The following DLG2 variants were observed in gnomAD, a reference collection of about 807,000 sequenced individuals.
DLG2 encodes discs large MAGUK scaffold protein 2, also known as disks large homolog 2.
DLG2 carries 45 observed loss-of-function variants against 132.5 expected under a neutral mutation model. That is an observed-to-expected ratio of 0.34 (90% CI 0.27 to 0.44). The LOEUF (loss-of-function observed/expected upper bound fraction) is 0.44, where lower values mean the gene tolerates loss of function less well. Among genes scored for constraint, DLG2 ranks in the 20% least tolerant of loss-of-function variants. The pLI, the probability that DLG2 is intolerant of heterozygous loss-of-function variation, is 1.00. For synonymous variants in DLG2, 424 were observed against 419.6 expected (o/e 1.01, Z -0.13); for missense variants, 1,045 against 1,196.9 (o/e 0.87, Z 1.87).
chr11:83,479,256 C>A (rs575129163), intron 22 of DLG2, among the ~76,000 whole-genome samples: 4 of 152,040 alleles, frequency 2.6e-5, no homozygotes, highest in African/African-American at 9.7e-5. Flanking sequence ...TGCTGCTGCT[C>A]CTACTTGCCA....
At chr11:83,561,886 T>TC (rs1271587222) in intron 19 of DLG2, among the ~76,000 whole-genome samples, 5 of 39,790 alleles carry the variant, frequency 1.3e-4, no homozygotes, top group East Asian at 8.8e-4. Flanking sequence ...TTTCTTTCTT[T>TC]TTTTTTTTTT....
chr11:84,508,185 C>A (rs1247104328), intron 7 of DLG2, among the ~76,000 whole-genome samples: 1 of 152,156 alleles, frequency 6.6e-6, no homozygotes, highest in Non-Finnish European at 1.5e-5. Context: ...ATTTTAACTT[C>A]CACAGTACCT....
At chr11:84,920,540 T>C (rs1235888527) in intron 6 of DLG2, among the ~76,000 whole-genome samples, 1 of 152,240 alleles carries the variant, frequency 6.6e-6, no homozygotes, top group Non-Finnish European at 1.5e-5. Context: ...ATTTATTTGT[T>C]TATAGTCTGT....
chr11:83,880,850 T>C (rs1215080083), intron 15 of DLG2, among the ~76,000 whole-genome samples: 2 of 152,240 alleles, frequency 1.3e-5, no homozygotes, highest in Non-Finnish European at 2.9e-5. Flanking sequence ...GATACCCATC[T>C]GTCCACAGTA....
intron 8 of DLG2, among the ~76,000 whole-genome samples, chr11:84,202,580 A>G (rs1340684326): frequency 1.3e-5 from 2 of 152,224 alleles, no homozygotes; most frequent in African/African-American, 4.8e-5. Flanking sequence ...TAACGAAGAC[A>G]CCAAAAGCAA....
intron 19 of DLG2, among the ~76,000 whole-genome samples, chr11:83,607,807 T>C (rs1246997819): frequency 3.9e-5 from 6 of 152,132 alleles, no homozygotes; most frequent in Admixed American, 3.9e-4. Flanking sequence ...ACTACTCAAA[T>C]ACAAAACAAT....
chr11:84,415,385 T>A (rs773277216), intron 7 of DLG2, among the ~76,000 whole-genome samples: 3 of 152,188 alleles, frequency 2.0e-5, no homozygotes, highest in Non-Finnish European at 2.9e-5. Flanking sequence ...ATTATTATCA[T>A]ATTGAGTGAA....
At chr11:85,490,633 A>G (rs1463480497) in intron 3 of DLG2, among the ~76,000 whole-genome samples, 1 of 152,108 alleles carries the variant, frequency 6.6e-6, no homozygotes, top group Non-Finnish European at 1.5e-5. Flanking sequence ...ATACCACAGA[A>G]ATACAAAAGA....
intron 20 of DLG2, among the ~76,000 whole-genome samples, chr11:83,534,710 G>A (rs1028566694): frequency 3.3e-5 from 5 of 152,194 alleles, no homozygotes; most frequent in African/African-American, 1.2e-4. Context: ...TGAGGCAGGT[G>A]TGTATCACCT....
chr11:85,045,020 G>C (rs906436226), intron 6 of DLG2, among the ~76,000 whole-genome samples: 9 of 152,046 alleles, frequency 5.9e-5, no homozygotes, highest in Admixed American at 1.3e-4. Flanking sequence ...AAATAGGAAA[G>C]TAGGATGAAT....
intron 18 of DLG2, among the ~76,000 whole-genome samples, chr11:83,678,460 T>G (rs1002460622): frequency 8.5e-5 from 13 of 152,180 alleles, no homozygotes; most frequent in Non-Finnish European, 1.8e-4. Flanking sequence ...AGACCTTTCA[T>G]GCAGATGTGT....
intron 18 of DLG2, among the ~76,000 whole-genome samples, chr11:83,774,062 G>T (rs991364775): frequency 5.9e-5 from 9 of 152,124 alleles, no homozygotes; most frequent in African/African-American, 7.2e-5. Context: ...CTGGGGCCAG[G>T]GGCCAGGTTG....
At chr11:84,847,280 A>G (rs1250729002) in intron 6 of DLG2, among the ~76,000 whole-genome samples, 3 of 152,194 alleles carry the variant, frequency 2.0e-5, no homozygotes, top group Admixed American at 6.5e-5. Context: ...GAGCACTGCT[A>G]TCAGAGGCTA....
At chr11:84,003,985 T>C (rs1019415456) in intron 11 of DLG2, among the ~76,000 whole-genome samples, 8 of 152,062 alleles carry the variant, frequency 5.3e-5, no homozygotes, top group Non-Finnish European at 8.8e-5. Flanking sequence ...CAGGATCAGA[T>C]GGATTCACTG....
At chr11:85,563,400 C>G (rs2077359723) in intron 3 of DLG2, among the ~76,000 whole-genome samples, 1 of 151,138 alleles carries the variant, frequency 6.6e-6, no homozygotes, top group African/African-American at 2.4e-5. Flanking sequence ...CCCAAATGTC[C>G]ATTAGTAAAT....
At chr11:83,471,858 A>T (rs2136568683) in intron 23 of DLG2, 131 bp from the exon 24 acceptor site, 1 of 704,262 alleles carries the variant, frequency 1.4e-6, no homozygotes, top group East Asian at 2.7e-5. Flanking sequence ...TGGATAAATT[A>T]CTCATACAGC....
intron 10 of DLG2, among the ~76,000 whole-genome samples, chr11:84,061,288 C>T (rs1414281183): frequency 2.6e-5 from 4 of 152,136 alleles, no homozygotes; most frequent in South Asian, 4.1e-4. Flanking sequence ...AGATAAAGCA[C>T]ATATAAGCAC....
At chr11:85,542,080 C>T in intron 3 of DLG2, among the ~76,000 whole-genome samples, 1 of 152,158 alleles carries the variant, frequency 6.6e-6, no homozygotes, top group East Asian at 1.9e-4. Flanking sequence ...AGAAAACCCA[C>T]CCACATTCGT....
rs530478808 is a variant in DLG2, at chr11:85,125,834, CACACACACA to C, written c.283-14108_283-14100del. 5.5e-4 allele frequency among the ~76,000 whole-genome samples: 77 copies of C among 139,318 alleles called. No homozygotes were observed. In the East Asian group the frequency reaches 0.018, roughly 32 times the overall value. The allele number at this position is 139,318 out of a possible 152,430, so 91.4% of individuals were successfully genotyped here. On this transcript the variant is annotated intron_variant, in intron 5 of 27. Transcript: ENST00000376104. ...ACACACACACACACACACACACACA[CACACACACA>C]CAAGAAAAAGGAACACAGTTCCTTT...
Sources: allele counts gnomAD v4.1 joint callset (sites outside exome capture counted in the v4.1 genomes callset), GRCh38; gene constraint gnomAD v4.1.1; transcripts MANE v1.5; gene names NCBI Gene and HGNC (gene_info 2026-07-23, HGNC 2026-07-21).